The following ARHGEF16 variants were observed in gnomAD, a reference collection of about 807,000 sequenced individuals.
The protein encoded by ARHGEF16 is Rho guanine exchange factor (GEF) 16.
In ARHGEF16, 59 loss-of-function variants were observed where a neutral mutation model predicts 74.1. That is an observed-to-expected ratio of 0.80 (90% CI 0.65 to 0.99). The LOEUF (loss-of-function observed/expected upper bound fraction) is 0.99. Among genes scored for constraint, ARHGEF16 ranks in the 50% least tolerant of loss-of-function variants. ARHGEF16 has a pLI of 0.00. For synonymous variants in ARHGEF16, 415 were observed against 412.6 expected (o/e 1.01, Z -0.07); for missense variants, 948 against 986.6 (o/e 0.96, Z 0.52).
chr1:3,480,491 G>T lies in ARHGEF16; in HGVS notation c.2034G>T (p.Trp678Cys), dbSNP rs761817777. ...GERLRDGETG[W>C]FPEDFARFIT... ...GGCTCCGGGACGGAGAGACGGGATG[G>T]TTCCCCGAGGACTTTGCCCGCTTCA... Residue 678 changes from tryptophan (W) to cysteine (C), a missense_variant, in exon 15 of 15, where the codon TGG becomes TGT. Trp to Cys is a radical substitution (Grantham distance 215, BLOSUM62 -2). Transcript: ENST00000378378. The T allele has an allele frequency of 1.2e-5, 20 of 1,612,574 alleles. No individual in the cohort carries two copies. Among genetic ancestry groups the T allele is most frequent in the Admixed American group, 1.7e-5 (1 of 60,024 alleles).
intron 5 of ARHGEF16, 86 bp downstream of exon 5, chr1:3,469,022 C>T (rs1054528693): frequency 5.4e-6 from 8 of 1,472,008 alleles, no homozygotes; most frequent in South Asian, 4.9e-5. Flanking sequence ...GGTGGCACCA[C>T]CCAGCCATCC....
chr1:3,472,115 G>A (rs1368312143), intron 6 of ARHGEF16, among the ~76,000 whole-genome samples: 4 of 152,216 alleles, frequency 2.6e-5, no homozygotes, highest in Admixed American at 6.5e-5. Flanking sequence ...GGAGTCCTCC[G>A]AAGGACAGAG....
rs1640039737 is a variant in ARHGEF16, at chr1:3,480,868, C to T, written c.*281C>T. On this transcript the variant is annotated 3_prime_UTR_variant, in exon 15 of 15. Transcript: ENST00000378378. ...GCTGGGCCCCTCAGCTGCTGGGCCC[C>T]ACCTCCCCACTGCACCCAGGGGGCA... The T allele has an allele frequency of 2.0e-6, 1 of 507,126 alleles. No homozygotes were observed. Among genetic ancestry groups the T allele is most frequent in the Non-Finnish European group, 3.5e-6 (1 of 283,834 alleles). 31.4% of individuals were successfully genotyped at this position (507,126 alleles called of 1,614,324 possible). A position where few individuals can be genotyped will look rare whatever the true frequency, so the allele number is the denominator to read the frequency against.
chr1:3,467,488 C>T (rs45512802), intron 4 of ARHGEF16, among the ~76,000 whole-genome samples, 151 bp downstream of exon 4: 3,699 of 152,318 alleles, frequency 0.024, 61 homozygotes, highest in Middle Eastern at 0.041. Context: ...AGCCCCTCGG[C>T]TGTGGGTGGC....
chr1:3,458,387 C>T (rs1054348690), intron 1 of ARHGEF16, among the ~76,000 whole-genome samples: 1 of 152,234 alleles, frequency 6.6e-6, no homozygotes, highest in Non-Finnish European at 1.5e-5. Context: ...GCACTGCAGC[C>T]GGGACAGCAT....
rs542983803 is a variant in ARHGEF16 at position 3,464,306 on chromosome 1, T to G, written c.588+634T>G. On this transcript the variant is annotated intron_variant, in intron 2 of 14. Coordinates refer to ENST00000378378, the MANE Select transcript of ARHGEF16 (RefSeq NM_014448.4). ...CCAGCTGGGGCTCCTGGGCCCAGTG[T>G]CCCTCATCCTCGGAGTCACCATCCC... 2.0e-5 allele frequency among the ~76,000 whole-genome samples: 3 copies of G among 152,262 alleles called. No individual in the cohort carries two copies. The South Asian group carries it at 6.2e-4, about 32-fold the overall frequency.
chr1:3,459,683 C>T (rs142893754), intron 1 of ARHGEF16, among the ~76,000 whole-genome samples: 1 of 152,270 alleles, frequency 6.6e-6, no homozygotes, highest in Non-Finnish European at 1.5e-5. Context: ...TCTCAAGAAG[C>T]ACATGGCAGA....
intron 10 of ARHGEF16, among the ~76,000 whole-genome samples, chr1:3,477,209 G>A (rs879363578): frequency 1.2e-5 from 1 of 86,600 alleles, no homozygotes; most frequent in African/African-American, 4.6e-5. Context: ...GTCAACAGTC[G>A]CTGAGGAGCG....
At chr1:3,463,745 C>T (rs1334185361) in intron 2 of ARHGEF16, 73 bp downstream of exon 2, 9 of 1,242,572 alleles carry the variant, frequency 7.2e-6, no homozygotes, top group East Asian at 5.4e-5. Flanking sequence ...TCTCCACCAC[C>T]GTCATCTTCT....
intron 6 of ARHGEF16, among the ~76,000 whole-genome samples, chr1:3,470,452 TGTGTGCGCGG>T (rs1639677023): frequency 6.8e-6 from 1 of 147,220 alleles, no homozygotes; most frequent in Admixed American, 6.7e-5. Context: ...TGCATGGTTG[TGTGTGCGCGG>T]GTGTGTGCAT....
chr1:3,473,064 C>T lies in ARHGEF16; in HGVS notation c.1023-14C>T, dbSNP rs1441088101. 3 of 1,610,278 alleles carry T rather than the reference C, an allele frequency of 1.9e-6. No individual in the cohort carries two copies. Among genetic ancestry groups the T allele is most frequent in the East Asian group, 2.2e-5 (1 of 44,890 alleles). ...CAGGCCCGTGGCACCCTCCTCACCC[C>T]TCCTTGCCTTCAGGTTCTTCGAGGA... On this transcript the variant is annotated splice_polypyrimidine_tract_variant and intron_variant, in intron 6 of 14. Transcript: ENST00000378378.
intron 1 of ARHGEF16, among the ~76,000 whole-genome samples, chr1:3,457,454 G>A (rs11809235): frequency 0.054 from 8,291 of 152,308 alleles, 321 homozygotes; most frequent in East Asian, 0.13. Flanking sequence ...CCTGGTGGCC[G>A]TGACAGCAGC....
intron 8 of ARHGEF16, chr1:3,473,773 C>T: frequency 1.6e-6 from 1 of 625,100 alleles, no homozygotes; most frequent in African/African-American, 1.8e-5. Flanking sequence ...CTCAATGGTT[C>T]ATGAGGTTCA....
rs1416543157 is a variant in ARHGEF16 at position 3,469,448 on chromosome 1, C to T, written c.877C>T (p.Leu293Phe). 6.2e-7 allele frequency: 1 copy of T among 1,612,956 alleles called. No homozygotes were observed. Among genetic ancestry groups the T allele is most frequent in the South Asian group, 1.1e-5 (1 of 91,086 alleles). ...RKRQEAMFEILTSEFSYQHSL... is the reference protein window; with the variant it reads ...RKRQEAMFEIFTSEFSYQHSL... ...CTCTCCACAGGCCATGTTCGAGATCCTCACGTCGGAGTTCTCCTACCAGCA... is the reference window on the plus strand; with the variant it reads ...CTCTCCACAGGCCATGTTCGAGATCTTCACGTCGGAGTTCTCCTACCAGCA... The change falls in exon 6 of 15, where the codon CTC (leucine) becomes TTC (phenylalanine). Residue 293 changes from leucine (L) to phenylalanine (F), a missense_variant. By Grantham distance (22) the Leu-to-Phe change is conservative. Coordinates refer to ENST00000378378, the MANE Select transcript of ARHGEF16 (RefSeq NM_014448.4).
intron 6 of ARHGEF16, among the ~76,000 whole-genome samples, chr1:3,470,566 TA>T (rs1349626713): frequency 1.5e-5 from 2 of 132,736 alleles, no homozygotes; most frequent in African/African-American, 5.8e-5. Context: ...TGTGAGTGGG[TA>T]GGGGTGTGTG....
intron 1 of ARHGEF16, among the ~76,000 whole-genome samples, chr1:3,462,561 C>A (rs75005679): frequency 6.6e-6 from 1 of 152,216 alleles, no homozygotes; most frequent in Non-Finnish European, 1.5e-5. Context: ...GGAAGCCCCC[C>A]AGTGCAACGC....
intron 8 of ARHGEF16, chr1:3,473,981 G>T (rs1639810953): frequency 3.9e-6 from 1 of 253,804 alleles, no homozygotes; most frequent in Non-Finnish European, 7.7e-6. Context: ...AGGGCAGAGG[G>T]TATATGAGGG....
chr1:3,480,588 C>A lies in ARHGEF16; in HGVS notation c.*1C>A, dbSNP rs766714930. On this transcript the variant is annotated 3_prime_UTR_variant, in exon 15 of 15. Transcript: ENST00000378378. ...TCTGCGGGTGGAGACGGACGTGTAG[C>A]CCTGGCGAGGCCAGCCGGCGGCAGC... 4.9e-5 allele frequency: 78 copies of A among 1,604,538 alleles called. No individual in the cohort carries two copies. The highest frequency in any genetic ancestry group is 6.4e-5 in the Non-Finnish European group (76 of 1,178,782).
intron 6 of ARHGEF16, among the ~76,000 whole-genome samples, chr1:3,470,467 G>A (rs1443729360): frequency 6.6e-6 from 1 of 151,548 alleles, no homozygotes; most frequent in Non-Finnish European, 1.5e-5. Flanking sequence ...GCGCGGGTGT[G>A]TGCATGGATG....
Sources: gnomAD v4.1 joint callset for allele counts (sites outside exome capture counted in the v4.1 genomes callset) on GRCh38, gnomAD v4.1.1 for gene constraint, MANE v1.5 for transcripts, NCBI Gene and HGNC (gene_info 2026-07-23, HGNC 2026-07-21) for gene names.